Variants in NUP133 observed in about 807,000 individuals in gnomAD.
The protein encoded by NUP133 is nucleoporin 133, also known as nuclear pore complex protein Nup133.
NUP133 carries 66 observed loss-of-function variants against 146.2 expected under a neutral mutation model. The observed-to-expected ratio is 0.45, with a 90% confidence interval of 0.37 to 0.55. The LOEUF is 0.55. NUP133 is among the 20% of genes least tolerant of loss of function. NUP133 has a pLI of 0.00. For missense variants in NUP133, 1,277 were observed against 1,374.8 expected, an observed-to-expected ratio of 0.93 and a Z score of 1.12; for synonymous variants, 521 against 498.8, an observed-to-expected ratio of 1.04 and a Z score of -0.59.
chr1:229,459,561 A>G (rs1010016791), intron 20 of NUP133, among the ~76,000 whole-genome samples: 1 of 152,104 alleles, frequency 6.6e-6, no homozygotes, highest in Non-Finnish European at 1.5e-5. Context: ...CCCTTCTGAC[A>G]GCCACCATTC....
At chr1:229,467,999 A>C (rs1024313701) in intron 15 of NUP133, among the ~76,000 whole-genome samples, 11 of 152,098 alleles carry the variant, frequency 7.2e-5, no homozygotes, top group African/African-American at 2.7e-4. Context: ...ATGCCAAAAC[A>C]CTTGTTAAAT....
At chr1:229,488,419 TA>T (rs1274580280) in intron 9 of NUP133, among the ~76,000 whole-genome samples, 2 of 152,278 alleles carry the variant, frequency 1.3e-5, no homozygotes, top group African/African-American at 4.8e-5. Context: ...AAAATTAGAA[TA>T]TGCTAAAAAT....
intron 24 of NUP133, chr1:229,448,822 G>A (rs1660372202): frequency 2.6e-6 from 1 of 378,292 alleles, no homozygotes; most frequent in Non-Finnish European, 4.8e-6. Flanking sequence ...GGGGGTTGTG[G>A]GAACCCCAAT....
chr1:229,461,206 G>A (rs895342432), intron 19 of NUP133, among the ~76,000 whole-genome samples: 4 of 152,138 alleles, frequency 2.6e-5, no homozygotes, highest in South Asian at 2.1e-4. Flanking sequence ...GGACAGCACC[G>A]AGACTGTAAC....
intron 23 of NUP133, 59 bp from the exon 24 acceptor site, chr1:229,449,249 C>T (rs1195059872): frequency 4.3e-5 from 47 of 1,088,638 alleles, no homozygotes; most frequent in Non-Finnish European, 6.1e-5. Flanking sequence ...AAATACATGC[C>T]TAAATTTTCA....
intron 16 of NUP133, among the ~76,000 whole-genome samples, chr1:229,466,046 C>T (rs1271959366): frequency 6.6e-6 from 1 of 151,804 alleles, no homozygotes; most frequent in Non-Finnish European, 1.5e-5. Context: ...AATTATTTGG[C>T]AAAGTAGGAA....
At chr1:229,455,427 A>G (rs1660538498) in intron 21 of NUP133, among the ~76,000 whole-genome samples, 1 of 152,010 alleles carries the variant, frequency 6.6e-6, no homozygotes, top group South Asian at 2.1e-4. Flanking sequence ...CGGGCATGGG[A>G]GCATGCACCT....
chr1:229,495,749 C>T (rs1661640147), intron 7 of NUP133, 143 bp downstream of exon 7: 1 of 905,426 alleles, frequency 1.1e-6, no homozygotes, highest in African/African-American at 1.7e-5. Context: ...GATTGACTAA[C>T]CCATTTCCAC....
At chr1:229,495,681 T>C in intron 7 of NUP133, 116 bp from the exon 8 acceptor site, 1 of 893,828 alleles carries the variant, frequency 1.1e-6, no homozygotes, top group South Asian at 1.7e-5. Flanking sequence ...CTGAATAATG[T>C]ATACATTAAA....
intron 2 of NUP133, among the ~76,000 whole-genome samples, chr1:229,502,426 G>C (rs949426757): frequency 1.3e-5 from 2 of 151,656 alleles, no homozygotes; most frequent in African/African-American, 4.8e-5. Context: ...GAGTGTGGTG[G>C]CACGTGCCTG....
At chr1:229,507,382 T>C (rs1386160417) in intron 1 of NUP133, among the ~76,000 whole-genome samples, 1 of 152,188 alleles carries the variant, frequency 6.6e-6, no homozygotes, top group Non-Finnish European at 1.5e-5. Context: ...GAGAAAACTA[T>C]GCAGAAACAC....
chr1:229,494,519 AG>A (rs1236084890), intron 8 of NUP133, among the ~76,000 whole-genome samples: 1 of 152,232 alleles, frequency 6.6e-6, no homozygotes, highest in Non-Finnish European at 1.5e-5. Flanking sequence ...TGTCATCTGA[AG>A]GATTACTAGT....
Position 229,498,163 on chromosome 1 carries a change from T to G in NUP133, c.792A>C (p.Gly264=). The change falls in exon 6 of 26, where the codon GGA becomes GGC. Residue 264 remains glycine (G), a synonymous_variant. Transcript: ENST00000261396. The part of the protein sequence containing the change: ...GIGRKVSSLF[G]ILSPSSDLTL... ...TGAGATCACTACTAGGAGATAAAATTCCAAAAAGAGAAGAAACTTTTCGAC... is the reference window on the plus strand; with the variant it reads ...TGAGATCACTACTAGGAGATAAAATGCCAAAAAGAGAAGAAACTTTTCGAC... 6.2e-7 allele frequency: 1 copy of G among 1,609,922 alleles called. No homozygotes were observed. Among genetic ancestry groups the G allele is most frequent in the Non-Finnish European group, 8.5e-7 (1 of 1,178,882 alleles).
chr1:229,477,530 A>G (rs1330621939), intron 13 of NUP133, 67 bp downstream of exon 13: 2 of 1,260,004 alleles, frequency 1.6e-6, no homozygotes, highest in Non-Finnish European at 2.2e-6. Flanking sequence ...ATGCTTTAAG[A>G]GATGCTTCTA....
At chr1:229,475,515 CAATGG>C in intron 14 of NUP133, 118 bp downstream of exon 14, 1 of 641,524 alleles carries the variant, frequency 1.6e-6, no homozygotes, top group Non-Finnish European at 2.7e-6. Flanking sequence ...TCAGCAGAGA[CAATGG>C]AAAACACCAG....
In NUP133 at chr1:229,443,759, C is replaced by T. The variant is rs372404513; in HGVS notation, c.3334+1155G>A. On this transcript the variant is annotated intron_variant, in intron 25 of 25. Transcript: ENST00000261396. ...TTTTTTTTTTTTTGAGACGGAGTCT[C>T]GCTCTGTCACCCAGGCTGAAGTGCA... Among the ~76,000 whole-genome samples, 229 of 136,096 alleles carry T rather than the reference C, an allele frequency of 1.7e-3. 2 individuals carry two copies. The highest frequency in any genetic ancestry group is 6.3e-3 in the East Asian group (30 of 4,776). 89.3% of individuals were successfully genotyped at this position (136,096 alleles called of 152,430 possible).
In NUP133 at chr1:229,452,617, G is replaced by A. The variant is rs945964129; in HGVS notation, c.3007C>T (p.Leu1003=). ...EEMAEQERFL[L]HQETLPEQLL... ...TGTTCAGGTAGGGTCTCCTGATGCA[G>A]TAGAAAGCGCTCCTGCTCAGCCATT... is the stretch of plus-strand genomic sequence containing the variant. Residue 1003 remains leucine (L), a synonymous_variant, in exon 22 of 26, where the codon CTG becomes TTG. Coordinates refer to ENST00000261396, the MANE Select transcript of NUP133 (RefSeq NM_018230.3). 6.2e-7 allele frequency: 1 copy of A among 1,613,120 alleles called. No individual in the cohort carries two copies. The highest frequency in any genetic ancestry group is 8.5e-7 in the Non-Finnish European group (1 of 1,179,290).
At chr1:229,473,086 T>C (rs1660996675) in intron 14 of NUP133, among the ~76,000 whole-genome samples, 1 of 151,936 alleles carries the variant, frequency 6.6e-6, no homozygotes, top group African/African-American at 2.4e-5. Flanking sequence ...ACCCTGTCTC[T>C]ACAGCAAATA....
Position 229,508,145 on chromosome 1 carries a change from C to T in NUP133, c.105G>A (p.Lys35=). ...PGSTPRTASR[K]GLPLGSAVSS... is the part of the protein sequence containing the mutation. ...TGACTGCAGACCCCAGGGGCAGACC[C>T]TTCCTGCTAGCCGTCCGGGGCGTGG... Residue 35 remains lysine (K), a synonymous_variant, in exon 1 of 26, where the codon AAG becomes AAA. Transcript: ENST00000261396. 6.3e-7 allele frequency: 1 copy of T among 1,597,052 alleles called. No individual in the cohort carries two copies. The highest frequency in any genetic ancestry group is 8.5e-7 in the Non-Finnish European group (1 of 1,173,312).
Sources: allele counts gnomAD v4.1 joint callset (sites outside exome capture counted in the v4.1 genomes callset), GRCh38; gene constraint gnomAD v4.1.1; transcripts MANE v1.5; gene names NCBI Gene and HGNC (gene_info 2026-07-23, HGNC 2026-07-21).